SMCHD1: variants seen among roughly 807,000 people sequenced by gnomAD.
The protein encoded by SMCHD1 is structural maintenance of chromosomes flexible hinge domain containing 1, also known as structural maintenance of chromosomes flexible hinge domain-containing protein 1.
A neutral mutation model predicts 254.7 loss-of-function variants in SMCHD1; 78 were observed. The observed-to-expected ratio is 0.31, with a 90% confidence interval of 0.26 to 0.37. The LOEUF is 0.37. SMCHD1 is among the 10% of genes least tolerant of loss of function. SMCHD1 has a pLI of 1.00. For synonymous variants in SMCHD1, 766 were observed against 794.9 expected (o/e 0.96, Z 0.61); for missense variants, 1,840 against 2,408.1 (o/e 0.76, Z 4.94).
At chr18:2,714,905 A>G (rs2074763365) in intron 17 of SMCHD1, among the ~76,000 whole-genome samples, 1 of 152,116 alleles carries the variant, frequency 6.6e-6, no homozygotes, top group African/African-American at 2.4e-5. Flanking sequence ...GCAGGACTGT[A>G]AAAAAAGAAA....
At chr18:2,767,761 T>C (rs1043876170) in intron 37 of SMCHD1, among the ~76,000 whole-genome samples, 1 of 151,596 alleles carries the variant, frequency 6.6e-6, no homozygotes, top group African/African-American at 2.4e-5. Flanking sequence ...CAGCTGATTT[T>C]TGTTTTTTCA....
rs768999940 is a variant in SMCHD1 at position 2,729,429 on chromosome 18, C to G, written c.3048+20C>G. ...ATACCTGTAAGTTATTATTGTTACT[C>G]ATTGATATTATATTGAGTCTTCATA... On this transcript the variant is annotated intron_variant, in intron 24 of 47. Coordinates refer to ENST00000320876, the MANE Select transcript of SMCHD1 (RefSeq NM_015295.3). The G allele has an allele frequency of 1.3e-6, 2 of 1,484,750 alleles. No homozygotes were observed. The highest frequency in any genetic ancestry group is 2.7e-5 in the Admixed American group (1 of 37,178). 92.0% of individuals were successfully genotyped at this position (1,484,750 alleles called of 1,614,324 possible).
At position 2,748,342 on chromosome 18, in the gene SMCHD1, TTGTG is replaced by T. The variant is rs1199860810; in HGVS notation, c.3927+733_3927+736del. On this transcript the variant is annotated intron_variant, in intron 30 of 47. Coordinates refer to ENST00000320876, the MANE Select transcript of SMCHD1 (RefSeq NM_015295.3). The stretch of plus-strand genomic sequence containing the variant: ...GGAAAAGCTGCTAGTCTTTGCAAAG[TTGTG>T]TGTGTGTGTGTGTGTGTGTGTGTGT... 7.1e-3 allele frequency among the ~76,000 whole-genome samples: 557 copies of T among 78,450 alleles called. 32 individuals carry two copies. Among genetic ancestry groups the T allele is most frequent in the African/African-American group, 0.029 (524 of 17,820 alleles). 51.5% of individuals were successfully genotyped at this position (78,450 alleles called of 152,430 possible).
chr18:2,681,104 A>C (rs985409995), intron 5 of SMCHD1, among the ~76,000 whole-genome samples: 2 of 152,130 alleles, frequency 1.3e-5, no homozygotes, highest in African/African-American at 4.8e-5. Context: ...CTCTACAAAA[A>C]ATATTTTAAA....
At chr18:2,788,039 G>C (rs2076266492) in intron 45 of SMCHD1, among the ~76,000 whole-genome samples, 1 of 152,140 alleles carries the variant, frequency 6.6e-6, no homozygotes, top group Non-Finnish European at 1.5e-5. Flanking sequence ...CCACCTTCCA[G>C]GTCAGCCAGA....
intron 42 of SMCHD1, 47 bp downstream of exon 42, chr18:2,775,971 T>G (rs773901311): frequency 4.2e-6 from 6 of 1,427,414 alleles, no homozygotes; most frequent in Admixed American, 2.9e-5. Flanking sequence ...ATATTTTCTG[T>G]TTTTTATCAA....
At chr18:2,788,460 A>G (rs755957779) in intron 45 of SMCHD1, among the ~76,000 whole-genome samples, 3 of 152,118 alleles carry the variant, frequency 2.0e-5, no homozygotes, top group Non-Finnish European at 4.4e-5. Flanking sequence ...GTAGAAAGAA[A>G]TATACTTTTA....
chr18:2,733,013 A>G (rs1013183211), intron 25 of SMCHD1, among the ~76,000 whole-genome samples: 1 of 152,216 alleles, frequency 6.6e-6, no homozygotes, highest in Admixed American at 6.5e-5. Context: ...TGACATTTGT[A>G]CCTTGATAGG....
At chr18:2,687,557 T>A (rs528078633) in intron 5 of SMCHD1, among the ~76,000 whole-genome samples, 1 of 152,304 alleles carries the variant, frequency 6.6e-6, no homozygotes, top group Admixed American at 6.5e-5. Context: ...GTATCTTGTT[T>A]GGGCTCTTTT....
intron 12 of SMCHD1, among the ~76,000 whole-genome samples, chr18:2,703,417 T>C (rs1324244322): frequency 2.0e-5 from 3 of 152,176 alleles, no homozygotes; most frequent in Admixed American, 6.6e-5. Context: ...TAGTGTATCC[T>C]AGGAATTAAA....
Position 2,756,594 on chromosome 18 carries a change from T to C in SMCHD1, c.4346+4042T>C, listed in dbSNP as rs113172963. Among the ~76,000 whole-genome samples, 896 of 152,294 alleles carry C rather than the reference T, an allele frequency of 5.9e-3. 10 individuals are homozygous for C. The highest frequency in any genetic ancestry group is 0.021 in the African/African-American group (856 of 41,554). ...GCTCAGTTTTGATATCTTGTAATTATCAAACTATCTTTTTTTTCTGAGACA... is the reference window on the plus strand; with the variant it reads ...GCTCAGTTTTGATATCTTGTAATTACCAAACTATCTTTTTTTTCTGAGACA... On this transcript the variant is annotated intron_variant, in intron 34 of 47. Transcript: ENST00000320876.
At chr18:2,744,076 TG>T (rs1568289870) in intron 29 of SMCHD1, 148 bp downstream of exon 29, 3 of 616,038 alleles carry the variant, frequency 4.9e-6, no homozygotes, top group Non-Finnish European at 5.4e-6. Flanking sequence ...AGCAAGGTAA[TG>T]TGAGTCTTAA....
chr18:2,700,248 A>G (rs1484910266), intron 10 of SMCHD1, among the ~76,000 whole-genome samples: 1 of 152,214 alleles, frequency 6.6e-6, no homozygotes, highest in Non-Finnish European at 1.5e-5. Flanking sequence ...GGATTTTGTT[A>G]TAGGGGATAA....
At chr18:2,687,161 T>C (rs2143033667) in intron 5 of SMCHD1, among the ~76,000 whole-genome samples, 1 of 152,332 alleles carries the variant, frequency 6.6e-6, no homozygotes, top group East Asian at 1.9e-4. Flanking sequence ...AGTGTGACTT[T>C]TTAGAAATTC....
At chr18:2,656,340 A>G in intron 1 of SMCHD1, 79 bp downstream of exon 1, 1 of 1,274,706 alleles carries the variant, frequency 7.8e-7, no homozygotes, top group Non-Finnish European at 1.0e-6. Context: ...TTGCTCACTG[A>G]GGGCAATAAA....
intron 46 of SMCHD1, 119 bp from the exon 47 acceptor site, chr18:2,796,288 C>CAT: frequency 1.2e-6 from 1 of 821,874 alleles, no homozygotes; most frequent in South Asian, 1.9e-5. Context: ...AAGTAATAGG[C>CAT]ATTCTCAGTA....
intron 47 of SMCHD1, among the ~76,000 whole-genome samples, chr18:2,797,380 A>G (rs905426846): frequency 6.6e-6 from 1 of 152,228 alleles, no homozygotes; most frequent in African/African-American, 2.4e-5. Context: ...TTATTATTTC[A>G]AAAGGTTTAA....
At chr18:2,716,660 G>A (rs1257237639) in intron 17 of SMCHD1, among the ~76,000 whole-genome samples, 3 of 152,214 alleles carry the variant, frequency 2.0e-5, no homozygotes, top group African/African-American at 4.8e-5. Flanking sequence ...ATGCTCCAGG[G>A]AGGAGCAGAG....
intron 7 of SMCHD1, among the ~76,000 whole-genome samples, chr18:2,690,973 A>C (rs533518712): frequency 0.029 from 4,422 of 151,280 alleles, 227 homozygotes; most frequent in African/African-American, 0.1. Flanking sequence ...AAAAAAAAAA[A>C]ACCTTTTCTT....
Sources: gnomAD v4.1 joint callset for allele counts (sites outside exome capture counted in the v4.1 genomes callset) on GRCh38, gnomAD v4.1.1 for gene constraint, MANE v1.5 for transcripts, NCBI Gene and HGNC (gene_info 2026-07-23, HGNC 2026-07-21) for gene names.